FMN1: variants seen among roughly 807,000 people sequenced by gnomAD.
FMN1 encodes formin-1.
A neutral mutation model predicts 132.4 loss-of-function variants in FMN1; 110 were observed. The ratio of observed to expected loss-of-function variants is 0.83; its 90% CI spans 0.71 to 0.97. The LOEUF (loss-of-function observed/expected upper bound fraction) is 0.97. FMN1 is among the 50% of genes least tolerant of loss of function. The pLI is 0.00. For synonymous variants in FMN1, 722 were observed against 651.7 expected (o/e 1.11, Z -1.64); for missense variants, 1,792 against 1,705.3 (o/e 1.05, Z -0.90).
chr15:32,961,052 A>C (rs922765769), intron 9 of FMN1, among the ~76,000 whole-genome samples: 1 of 150,038 alleles, frequency 6.7e-6, no homozygotes, highest in Non-Finnish European at 1.5e-5. Context: ...AATATTACAT[A>C]CTTTTCAAAA....
chr15:32,988,150 G>C (rs1465342978), intron 7 of FMN1, among the ~76,000 whole-genome samples: 1 of 148,534 alleles, frequency 6.7e-6, no homozygotes, highest in Non-Finnish European at 1.5e-5. Flanking sequence ...CTAGGTCACA[G>C]TAGGACATAG....
At chr15:32,972,464 G>C (rs567021053) in intron 7 of FMN1, among the ~76,000 whole-genome samples, 1 of 151,960 alleles carries the variant, frequency 6.6e-6, no homozygotes, top group African/African-American at 2.4e-5. Context: ...CCATCCTATT[G>C]AAACTCCATG....
At chr15:33,092,228 CTGTCAAT>C (rs2038928788) in intron 4 of FMN1, among the ~76,000 whole-genome samples, 1 of 152,194 alleles carries the variant, frequency 6.6e-6, no homozygotes, top group African/African-American at 2.4e-5. Flanking sequence ...TGAGGTTTTG[CTGTCAAT>C]TATCAAAACA....
chr15:33,125,907 T>C (rs1963017439), intron 4 of FMN1, among the ~76,000 whole-genome samples: 1 of 152,218 alleles, frequency 6.6e-6, no homozygotes, highest in Non-Finnish European at 1.5e-5. Flanking sequence ...TATTGAAAAG[T>C]GCCAAATTTC....
chr15:32,766,251 C>A lies in FMN1; in HGVS notation c.*8059G>T, dbSNP rs1265287138. 1 of 152,082 alleles carries A rather than the reference C, an allele frequency of 6.6e-6. No homozygotes were observed. The highest frequency in any genetic ancestry group is 1.5e-5 in the Non-Finnish European group (1 of 68,000). The allele number at this position is 152,082 out of a possible 1,614,324, so 9.4% of individuals were successfully genotyped here. The stretch of plus-strand genomic sequence containing the variant: ...GCAGTTACTGTTCATCTGAAAATAA[C>A]CAAGAAGTGTCAACATCCTGATTCA... On this transcript the variant is annotated 3_prime_UTR_variant, in exon 21 of 21. Transcript: ENST00000616417.
intron 9 of FMN1, among the ~76,000 whole-genome samples, chr15:32,955,256 G>A (rs1404973031): frequency 1.3e-5 from 2 of 152,118 alleles, no homozygotes; most frequent in African/African-American, 4.8e-5. Flanking sequence ...ATAAATCCAA[G>A]GTCATTGAGA....
intron 17 of FMN1, among the ~76,000 whole-genome samples, chr15:32,834,377 G>T (rs142068655): frequency 1.7e-3 from 261 of 152,212 alleles, no homozygotes; most frequent in African/African-American, 6.0e-3. Flanking sequence ...GCAAATTGAG[G>T]AAGTAAGACC....
At chr15:32,922,865 A>G (rs979340531) in intron 10 of FMN1, among the ~76,000 whole-genome samples, 2 of 152,222 alleles carry the variant, frequency 1.3e-5, no homozygotes, top group Non-Finnish European at 2.9e-5. Context: ...ATTCAAAAAG[A>G]TATTTACCGT....
At chr15:32,887,570 T>C (rs1191762000) in intron 16 of FMN1, among the ~76,000 whole-genome samples, 1 of 151,982 alleles carries the variant, frequency 6.6e-6, no homozygotes, top group Non-Finnish European at 1.5e-5. Flanking sequence ...TTACCATCAT[T>C]ATTAGACTCA....
chr15:32,876,463 T>G (rs1261775361), intron 16 of FMN1, among the ~76,000 whole-genome samples: 1 of 152,182 alleles, frequency 6.6e-6, no homozygotes, highest in Non-Finnish European at 1.5e-5. Flanking sequence ...AAAACTAGCA[T>G]TCAGTCAATC....
intron 11 of FMN1, among the ~76,000 whole-genome samples, chr15:32,909,158 CT>C (rs2060498706): frequency 6.6e-6 from 1 of 152,216 alleles, no homozygotes; most frequent in Non-Finnish European, 1.5e-5. Context: ...CAACCATGTG[CT>C]TAGTCCTGAG....
At chr15:32,852,823 ATATTATCT>A (rs767481732) in intron 17 of FMN1, among the ~76,000 whole-genome samples, 1 of 152,170 alleles carries the variant, frequency 6.6e-6, no homozygotes, top group Non-Finnish European at 1.5e-5. Flanking sequence ...TTATTTTTCA[ATATTATCT>A]GCGGCCTGTC....
At chr15:33,161,440 G>T (rs1964886332) in intron 3 of FMN1, among the ~76,000 whole-genome samples, 2 of 152,114 alleles carry the variant, frequency 1.3e-5, no homozygotes, top group Non-Finnish European at 2.9e-5. Flanking sequence ...GCTCCTCTGG[G>T]GTAGTTCTCC....
rs199902914 is a variant in FMN1, at chr15:33,120,751, TCTAC to T, written c.1868-31781_1868-31778del. On this transcript the variant is annotated intron_variant, in intron 4 of 20. Coordinates refer to ENST00000616417, the MANE Select transcript of FMN1 (RefSeq NM_001277313.2). ...ATATATAAGATATGGAAAAATTTAT[TCTAC>T]CTATTACCCTTTTACTGCACATTTG... is the stretch of plus-strand genomic sequence containing the variant. Among the ~76,000 whole-genome samples the T allele has an allele frequency of 7.9e-5, 12 of 152,326 alleles. No individual in the cohort carries two copies. In the East Asian group the frequency reaches 2.1e-3, roughly 27 times the overall value.
At chr15:32,903,847 G>T (rs2141616172) in intron 12 of FMN1, among the ~76,000 whole-genome samples, 1 of 152,278 alleles carries the variant, frequency 6.6e-6, no homozygotes, top group South Asian at 2.1e-4. Context: ...TGGGGTTAGG[G>T]CTTGCACTGG....
At chr15:33,145,283 T>A (rs1964172212) in intron 4 of FMN1, among the ~76,000 whole-genome samples, 1 of 151,782 alleles carries the variant, frequency 6.6e-6, no homozygotes, top group African/African-American at 2.4e-5. Flanking sequence ...CTCCCGCTTC[T>A]CCTTGGGATA....
At chr15:32,881,757 G>A (rs2059776464) in intron 16 of FMN1, among the ~76,000 whole-genome samples, 1 of 152,114 alleles carries the variant, frequency 6.6e-6, no homozygotes, top group Non-Finnish European at 1.5e-5. Context: ...GCAGGGTCAG[G>A]GCTGGTCTTG....
intron 4 of FMN1, among the ~76,000 whole-genome samples, chr15:33,096,871 G>A (rs2039104582): frequency 6.6e-6 from 1 of 152,070 alleles, no homozygotes; most frequent in South Asian, 2.1e-4. Context: ...CAAAGTGCTG[G>A]GATTACAGGC....
intron 3 of FMN1, among the ~76,000 whole-genome samples, chr15:33,161,813 G>A (rs1165106448): frequency 6.6e-6 from 1 of 151,958 alleles, no homozygotes; most frequent in South Asian, 2.1e-4. Flanking sequence ...AGCTACTCAG[G>A]AGGCTGAGGC....
Sources: allele counts gnomAD v4.1 joint callset (sites outside exome capture counted in the v4.1 genomes callset), GRCh38; gene constraint gnomAD v4.1.1; transcripts MANE v1.5; gene names NCBI Gene and HGNC (gene_info 2026-07-23, HGNC 2026-07-21).